The following DOCK8 variants were observed in gnomAD, a reference collection of about 807,000 sequenced individuals.
DOCK8 encodes dedicator of cytokinesis 8.
In DOCK8, 141 loss-of-function variants were observed where a neutral mutation model predicts 245.6. The ratio of observed to expected loss-of-function variants is 0.57; its 90% confidence interval spans 0.50 to 0.66. The LOEUF (loss-of-function observed/expected upper bound fraction) is 0.66. Among genes scored for constraint, DOCK8 ranks in the 30% least tolerant of loss-of-function variants. The pLI, the probability that DOCK8 is intolerant of heterozygous loss-of-function variation, is 0.00. For synonymous variants in DOCK8, 1,168 were observed against 970.2 expected (o/e 1.20, Z -3.79); for missense variants, 2,965 against 2,603.4 (o/e 1.14, Z -3.02).
chr9:296,413 C>T (rs757290604), intron 4 of DOCK8, among the ~76,000 whole-genome samples: 5 of 152,090 alleles, frequency 3.3e-5, no homozygotes, highest in Non-Finnish European at 7.3e-5. Flanking sequence ...TTATTCTTGC[C>T]GCAGAGACAG....
At chr9:357,025 C>T (rs1365924217) in intron 14 of DOCK8, among the ~76,000 whole-genome samples, 1 of 152,174 alleles carries the variant, frequency 6.6e-6, no homozygotes, top group African/African-American at 2.4e-5. Flanking sequence ...CATAAACACT[C>T]TAGCTTTCCC....
chr9:432,066 A>G, intron 36 of DOCK8, 100 bp from the exon 37 acceptor site: 1 of 1,231,092 alleles, frequency 8.1e-7, no homozygotes, highest in South Asian at 1.3e-5. Context: ...GGCAAAGGAA[A>G]CACTGAGGAG....
chr9:462,114 C>T (rs543562026), intron 46 of DOCK8, among the ~76,000 whole-genome samples: 4 of 151,960 alleles, frequency 2.6e-5, no homozygotes, highest in African/African-American at 9.7e-5. Context: ...AGTTTTCCCT[C>T]GTGGTGGTTG....
chr9:252,417 C>G (rs1044211990), intron 1 of DOCK8, among the ~76,000 whole-genome samples: 1 of 152,082 alleles, frequency 6.6e-6, no homozygotes, highest in Non-Finnish European at 1.5e-5. Context: ...AAGATTTGAA[C>G]CAGTTGTTAT....
chr9:393,922 C>G (rs1249360419), intron 24 of DOCK8, among the ~76,000 whole-genome samples: 2 of 152,160 alleles, frequency 1.3e-5, no homozygotes, highest in Non-Finnish European at 2.9e-5. Context: ...CCCCAGGGTA[C>G]AGCAGCTGGC....
intron 24 of DOCK8, among the ~76,000 whole-genome samples, chr9:391,057 A>G (rs939234425): frequency 1.3e-5 from 2 of 152,096 alleles, no homozygotes; most frequent in African/African-American, 4.8e-5. Flanking sequence ...ACATTCCCCC[A>G]TCATTCAGCC....
At chr9:259,388 A>G (rs1265425205) in intron 1 of DOCK8, among the ~76,000 whole-genome samples, 1 of 152,234 alleles carries the variant, frequency 6.6e-6, no homozygotes, top group Non-Finnish European at 1.5e-5. Flanking sequence ...TACACTATTT[A>G]AAAACATGGA....
At chr9:392,681 C>A (rs542475966) in intron 24 of DOCK8, among the ~76,000 whole-genome samples, 1 of 152,124 alleles carries the variant, frequency 6.6e-6, no homozygotes, top group African/African-American at 2.4e-5. Flanking sequence ...ATTCCAAAAG[C>A]CGAGCTAATT....
intron 5 of DOCK8, among the ~76,000 whole-genome samples, chr9:306,612 A>G (rs1030007731): frequency 6.6e-6 from 1 of 152,194 alleles, no homozygotes; most frequent in African/African-American, 2.4e-5. Flanking sequence ...GCTGGGGTAT[A>G]CGGCAGTGGT....
intron 37 of DOCK8, among the ~76,000 whole-genome samples, chr9:432,959 C>T (rs1044365360): frequency 6.6e-6 from 1 of 152,166 alleles, no homozygotes; most frequent in Non-Finnish European, 1.5e-5. Context: ...AACTCCAGCT[C>T]CTAGCCTGCT....
chr9:267,846 A>G (rs1484741949), intron 1 of DOCK8: 3 of 152,230 alleles, frequency 2.0e-5, no homozygotes, highest in Admixed American at 2.0e-4. Context: ...TCATGCTATC[A>G]TATACAGAAT....
rs957380535 is a variant in DOCK8, at chr9:463,834, AGT to A, written c.6239+151_6239+152del. ...GTCCCACAGTCAGAGAGGCTACCAG[AGT>A]GTGATTCATTCTGCCTCTGTCCTCC... On this transcript the variant is annotated intron_variant, in intron 47 of 47. Coordinates refer to ENST00000432829, the MANE Select transcript of DOCK8 (RefSeq NM_203447.4). 10 of 959,294 alleles carry A rather than the reference AGT, an allele frequency of 1.0e-5. No individual in the cohort carries two copies. In the African/African-American group the frequency reaches 1.6e-4, roughly 16 times the overall value. 59.4% of individuals were successfully genotyped at this position (959,294 alleles called of 1,614,324 possible).
At chr9:264,592 GC>G (rs2047994279) in intron 1 of DOCK8, among the ~76,000 whole-genome samples, 1 of 152,146 alleles carries the variant, frequency 6.6e-6, no homozygotes, top group Non-Finnish European at 1.5e-5. Flanking sequence ...AGACTTTATG[GC>G]TGAAAATATG....
chr9:425,228 A>G (rs10733505), intron 33 of DOCK8, among the ~76,000 whole-genome samples: 104,513 of 151,988 alleles, frequency 0.69, 36,617 homozygotes, highest in East Asian at 0.99. Flanking sequence ...CTAGCAGTCA[A>G]TTAATTAAAA....
At chr9:250,363 C>A (rs939749778) in intron 1 of DOCK8, among the ~76,000 whole-genome samples, 7 of 152,158 alleles carry the variant, frequency 4.6e-5, no homozygotes, top group South Asian at 2.1e-4. Flanking sequence ...GGCTCAACAG[C>A]TTTGACATTG....
chr9:311,391 C>T lies in DOCK8; in HGVS notation c.529-563C>T, dbSNP rs149029613. On this transcript the variant is annotated intron_variant, in intron 5 of 47. Coordinates refer to ENST00000432829, the MANE Select transcript of DOCK8 (RefSeq NM_203447.4). ...TCCCAAGTAGCTAAGACTGTAGGTG[C>T]ACGCCACCATGCCTGGCTAAGTTTT... Among the ~76,000 whole-genome samples the T allele has an allele frequency of 4.9e-3, 732 of 150,276 alleles. 8 individuals are homozygous for T. Among genetic ancestry groups the T allele is most frequent in the Non-Finnish European group, 6.8e-3 (459 of 67,692 alleles).
intron 1 of DOCK8, among the ~76,000 whole-genome samples, chr9:225,398 A>G (rs572305650): frequency 2.8e-4 from 42 of 152,324 alleles, no homozygotes; most frequent in African/African-American, 9.4e-4. Flanking sequence ...TGCAGAAGGC[A>G]TTGGAAGGGA....
upstream of DOCK8, chr9:214,098 C>G (rs1413273963): frequency 5.0e-6 from 1 of 200,350 alleles, no homozygotes; most frequent in Non-Finnish European, 1.0e-5. Context: ...ATATATAGCA[C>G]AGGTTAGAGC....
At chr9:379,646 C>T in intron 20 of DOCK8, 125 bp from the exon 21 acceptor site, 1 of 1,052,332 alleles carries the variant, frequency 9.5e-7, no homozygotes. Context: ...AAACCATCTA[C>T]CCTTCCCAGG....
Sources: allele counts gnomAD v4.1 joint callset (sites outside exome capture counted in the v4.1 genomes callset), GRCh38; gene constraint gnomAD v4.1.1; transcripts MANE v1.5; gene names NCBI Gene and HGNC (gene_info 2026-07-23, HGNC 2026-07-21).